SUGT1: variants seen among roughly 807,000 people sequenced by gnomAD.
The protein encoded by SUGT1 is SGT1 assembly cochaperone of MIS12 kinetochore complex, also known as protein SGT1 homolog.
SUGT1 carries 15 observed loss-of-function variants against 56.1 expected under a neutral mutation model. The ratio of observed to expected loss-of-function variants is 0.27; its 90% CI spans 0.18 to 0.41. The LOEUF is 0.41. Ranked by LOEUF, SUGT1 falls within the 10% of genes least tolerant of loss-of-function variation. SUGT1 has a pLI of 1.00. For synonymous variants in SUGT1, 123 were observed against 128.6 expected (o/e 0.96, Z 0.30); for missense variants, 347 against 382.2 (o/e 0.91, Z 0.77).
chr13:52,668,728 A>G (rs1046692454), intron 10 of SUGT1, among the ~76,000 whole-genome samples: 5 of 151,974 alleles, frequency 3.3e-5, no homozygotes, highest in African/African-American at 9.7e-5. Flanking sequence ...TAAAATAATG[A>G]ATTTGACTTT....
chr13:52,679,824 A>T, intron 11 of SUGT1, 150 bp from the exon 12 acceptor site: 1 of 636,194 alleles, frequency 1.6e-6, no homozygotes, highest in Non-Finnish European at 2.4e-6. Context: ...TTATTGACCT[A>T]TATACCAGAA....
At chr13:52,669,747 T>C (rs1962855315) in intron 10 of SUGT1, among the ~76,000 whole-genome samples, 1 of 152,182 alleles carries the variant, frequency 6.6e-6, no homozygotes, top group Non-Finnish European at 1.5e-5. Context: ...TCTTGTTAGA[T>C]TACTAACTCT....
intron 12 of SUGT1, among the ~76,000 whole-genome samples, chr13:52,680,532 A>G (rs1963331551): frequency 6.6e-6 from 1 of 152,200 alleles, no homozygotes; most frequent in African/African-American, 2.4e-5. Flanking sequence ...GTTTGCAAGT[A>G]GAAGGTGCAC....
Position 52,665,631 on chromosome 13 carries a change from T to C in SUGT1, c.423-6T>C, listed in dbSNP as rs768478798. 7.8e-6 allele frequency: 12 copies of C among 1,535,556 alleles called. No individual in the cohort carries two copies. In the South Asian group the frequency reaches 1.5e-4, roughly 19 times the overall value. On this transcript the variant is annotated splice_polypyrimidine_tract_variant and splice_region_variant and intron_variant, in intron 8 of 12. Transcript: ENST00000310528. ...GTTACCTAAGTTTCTTTTTTTTTTT[T>C]AATAGGTATGACTGGTATCAAACAG...
intron 2 of SUGT1, among the ~76,000 whole-genome samples, chr13:52,654,202 A>G (rs1019126954): frequency 1.3e-5 from 2 of 152,228 alleles, no homozygotes; most frequent in Non-Finnish European, 2.9e-5. Flanking sequence ...ACACCTAAAT[A>G]TATAGACCTT....
At chr13:52,653,143 G>A in intron 2 of SUGT1, 40 bp downstream of exon 2, 1 of 1,613,148 alleles carries the variant, frequency 6.2e-7, no homozygotes, top group Non-Finnish European at 8.5e-7. Flanking sequence ...TCTTCTTAGG[G>A]GAGCTGGGCC....
chr13:52,653,022 C>T (rs768302627), intron 1 of SUGT1, 24 bp from the exon 2 acceptor site: 19 of 1,614,044 alleles, frequency 1.2e-5, no homozygotes, highest in Non-Finnish European at 1.5e-5. Context: ...GTGAGCCCTG[C>T]TGAAGTCGTT....
At chr13:52,677,858 A>C (rs1963212031) in intron 11 of SUGT1, among the ~76,000 whole-genome samples, 2 of 152,240 alleles carry the variant, frequency 1.3e-5, no homozygotes, top group African/African-American at 4.8e-5. Flanking sequence ...TTCATCTGCC[A>C]TCTCCAGGTG....
At chr13:52,679,826 A>G (rs1963296537) in intron 11 of SUGT1, 148 bp from the exon 12 acceptor site, 1 of 652,926 alleles carries the variant, frequency 1.5e-6, no homozygotes, top group Non-Finnish European at 2.3e-6. Context: ...ATTGACCTAT[A>G]TACCAGAAAG....
intron 2 of SUGT1, among the ~76,000 whole-genome samples, chr13:52,654,805 T>C (rs573534974): frequency 3.3e-5 from 5 of 152,388 alleles, no homozygotes; most frequent in South Asian, 4.1e-4. Flanking sequence ...TGTATAAATA[T>C]ATGTTGTATA....
chr13:52,662,540 C>CGATA, intron 5 of SUGT1, 109 bp from the exon 6 acceptor site: 4 of 1,041,474 alleles, frequency 3.8e-6, no homozygotes, highest in South Asian at 1.7e-5. Context: ...TCGCTGCCGA[C>CGATA]TCCCCAGTGC....
At position 52,680,143 on chromosome 13, in the gene SUGT1, G is replaced by T; in HGVS notation, c.888G>T (p.Met296Ile). 1.3e-6 allele frequency: 2 copies of T among 1,578,762 alleles called. No individual in the cohort carries two copies. Among genetic ancestry groups the T allele is most frequent in the Non-Finnish European group, 8.6e-7 (1 of 1,169,396 alleles). The change falls in exon 12 of 13, where the codon ATG becomes ATT. Residue 296 changes from methionine (M) to isoleucine (I), a missense_variant. Physicochemically the swap from Met to Ile is conservative, Grantham distance 10. Transcript: ENST00000310528. The stretch of plus-strand genomic sequence containing the variant: ...GTTCTGATGAAGTGAAACGTGCCAT[G>T]AACAAATCCTTTGTAAGAATATAAA... ...SDGSDEVKRA[M>I]NKSFMESGGT...
chr13:52,664,196 A>T, intron 8 of SUGT1, 139 bp downstream of exon 8: 1 of 780,554 alleles, frequency 1.3e-6, no homozygotes. Context: ...TAATAGCTTT[A>T]TGTAAAGCCA....
Position 52,663,126 on chromosome 13 carries a change from T to C in SUGT1, c.399+14T>C. 6.2e-7 allele frequency: 1 copy of C among 1,606,676 alleles called. No individual in the cohort carries two copies. Among genetic ancestry groups the C allele is most frequent in the Non-Finnish European group, 8.5e-7 (1 of 1,177,116 alleles). On this transcript the variant is annotated intron_variant, in intron 7 of 12. Transcript: ENST00000310528. ...GAATCTGAGGTGGTAAGTCCAAAGT[T>C]TTCATTCTTCATGTTTTTATTATTT...
rs1327616131 is a variant in SUGT1 at position 52,665,487 on chromosome 13, TATA to T, written c.423-149_423-147del. The stretch of plus-strand genomic sequence containing the variant: ...TTAGTACAGAGCATAAAAAACTAGT[TATA>T]TAAAGTTGTTTCTGTGAATCAGTAG... On this transcript the variant is annotated intron_variant, in intron 8 of 12. Coordinates refer to ENST00000310528, the MANE Select transcript of SUGT1 (RefSeq NM_006704.5). The T allele has an allele frequency of 5.4e-6, 3 of 560,336 alleles. No homozygotes were observed. The Admixed American group carries it at 1.3e-4, about 23-fold the overall frequency. 34.7% of individuals were successfully genotyped at this position (560,336 alleles called of 1,614,324 possible). A position where few individuals can be genotyped will look rare whatever the true frequency, so the allele number is the denominator to read the frequency against.
intron 2 of SUGT1, among the ~76,000 whole-genome samples, chr13:52,654,697 A>G (rs1199863160): frequency 1.3e-5 from 2 of 152,216 alleles, no homozygotes; most frequent in Non-Finnish European, 2.9e-5. Context: ...TAGGTGCTTT[A>G]TTGAATGTAG....
At chr13:52,666,991 A>G in intron 10 of SUGT1, 72 bp downstream of exon 10, 1 of 1,003,414 alleles carries the variant, frequency 1.0e-6, no homozygotes, top group Non-Finnish European at 1.5e-6. Flanking sequence ...CTAATCACCC[A>G]TGTGTTTATA....
At chr13:52,683,274 G>C (rs1313915713) in intron 12 of SUGT1, among the ~76,000 whole-genome samples, 3 of 152,046 alleles carry the variant, frequency 2.0e-5, no homozygotes, top group Non-Finnish European at 4.4e-5. Context: ...AGTTATGAAA[G>C]TTCTGTTGTA....
intron 12 of SUGT1, among the ~76,000 whole-genome samples, chr13:52,684,231 T>C (rs559751736): frequency 6.6e-6 from 1 of 152,164 alleles, no homozygotes; most frequent in South Asian, 2.1e-4. Context: ...GCAGGGTTTA[T>C]AGTGATATCT....
Sources: gnomAD v4.1 joint callset for allele counts (sites outside exome capture counted in the v4.1 genomes callset) on GRCh38, gnomAD v4.1.1 for gene constraint, MANE v1.5 for transcripts, NCBI Gene and HGNC (gene_info 2026-07-23, HGNC 2026-07-21) for gene names.